The following ITGA1 variants were observed in gnomAD, a reference collection of about 807,000 sequenced individuals.
ITGA1 encodes integrin subunit alpha 1, also known as integrin alpha-1.
Under a neutral mutation model 145.9 loss-of-function variants are expected in ITGA1, and 85 were observed. The ratio of observed to expected loss-of-function variants is 0.58; its 90% confidence interval spans 0.49 to 0.70. The LOEUF (loss-of-function observed/expected upper bound fraction) is 0.70, where lower values mean the gene tolerates loss of function less well. Among genes scored for constraint, ITGA1 ranks in the 30% least tolerant of loss-of-function variants. The pLI is 0.00. For synonymous variants in ITGA1, 520 were observed against 495.3 expected, an observed-to-expected ratio of 1.05 and a Z score of -0.66; for missense variants, 1,351 against 1,418.7, an observed-to-expected ratio of 0.95 and a Z score of 0.77.
At chr5:52,941,501 C>CT (rs1454866603) in intron 26 of ITGA1, among the ~76,000 whole-genome samples, 6 of 151,998 alleles carry the variant, frequency 3.9e-5, no homozygotes, top group African/African-American at 1.5e-4. Flanking sequence ...CTCATTTTGG[C>CT]TTTTATTTGC....
At chr5:52,915,441 C>T (rs1317483835) in intron 14 of ITGA1, 23 bp from the exon 15 acceptor site, 1 of 1,610,228 alleles carries the variant, frequency 6.2e-7, no homozygotes, top group Non-Finnish European at 8.5e-7. Flanking sequence ...TCATATGAAA[C>T]TCTTTTTTTT....
chr5:52,885,064 A>G (rs181778316), intron 7 of ITGA1, among the ~76,000 whole-genome samples: 4 of 152,298 alleles, frequency 2.6e-5, no homozygotes, highest in African/African-American at 7.2e-5. Context: ...TTATTAGTTT[A>G]TTATAAAAGG....
chr5:52,793,129 C>T (rs1229522587), intron 1 of ITGA1, among the ~76,000 whole-genome samples: 22 of 152,014 alleles, frequency 1.4e-4, no homozygotes. Flanking sequence ...CATGTGTATC[C>T]CAGCACCTTT....
intron 1 of ITGA1, among the ~76,000 whole-genome samples, chr5:52,806,487 A>G (rs1748589848): frequency 6.6e-6 from 1 of 152,058 alleles, no homozygotes; most frequent in Non-Finnish European, 1.5e-5. Flanking sequence ...TTAGGTTAAA[A>G]ATACCATTCA....
chr5:52,878,884 G>GA (rs980115816), intron 6 of ITGA1, among the ~76,000 whole-genome samples: 2 of 148,816 alleles, frequency 1.3e-5, no homozygotes, highest in African/African-American at 2.5e-5. Flanking sequence ...TCATTGGAGG[G>GA]AAAAAAAGGT....
intron 1 of ITGA1, among the ~76,000 whole-genome samples, chr5:52,840,376 G>A (rs1235588932): frequency 6.6e-6 from 1 of 152,192 alleles, no homozygotes; most frequent in Non-Finnish European, 1.5e-5. Flanking sequence ...TCAGCGTTCA[G>A]GATGCCAGGG....
chr5:52,816,235 C>G (rs1205060895), intron 1 of ITGA1, among the ~76,000 whole-genome samples: 2 of 152,042 alleles, frequency 1.3e-5, no homozygotes, highest in South Asian at 2.1e-4. Flanking sequence ...TAATATATAT[C>G]CATGCACATC....
At chr5:52,800,432 C>A (rs554934628) in intron 1 of ITGA1, 1 of 1,613,800 alleles carries the variant, frequency 6.2e-7, no homozygotes, top group African/African-American at 1.3e-5. Context: ...AAGGACAATG[C>A]GGGCCAGGTG....
chr5:52,800,941 G>A, intron 1 of ITGA1: 2 of 1,614,206 alleles, frequency 1.2e-6, no homozygotes, highest in Non-Finnish European at 1.7e-6. Flanking sequence ...CCGGGCCTTG[G>A]AGCGGTTCTA....
rs1419190966 is a variant in ITGA1, at chr5:52,945,453, A to G, written c.3378+418A>G. Among the ~76,000 whole-genome samples the G allele has an allele frequency of 2.0e-5, 3 of 152,198 alleles. No individual in the cohort carries two copies. In the East Asian group the frequency reaches 5.8e-4, roughly 29 times the overall value. ...TTATACTGTACAGGAAAACATGTAC[A>G]TTTTTTAAAGTTTTCTTTCAAATTT... On this transcript the variant is annotated intron_variant, in intron 27 of 28. Coordinates refer to ENST00000282588, the MANE Select transcript of ITGA1 (RefSeq NM_181501.2).
chr5:52,910,117 AG>A, intron 13 of ITGA1, 44 bp from the exon 14 acceptor site: 1 of 1,555,416 alleles, frequency 6.4e-7, no homozygotes, highest in Non-Finnish European at 8.8e-7. Context: ...ACTCTGCTGT[AG>A]TAATGATGGA....
intron 1 of ITGA1, among the ~76,000 whole-genome samples, chr5:52,832,769 G>GTGTGTGTGTGTGTGTGTGTC (rs1749091862): frequency 4.1e-5 from 3 of 74,036 alleles, no homozygotes; most frequent in African/African-American, 1.9e-4. Flanking sequence ...ATAAATCTGT[G>GTGTGTGTGTGTGTGTGTGTC]TGTGTGTGTG....
intron 2 of ITGA1, among the ~76,000 whole-genome samples, chr5:52,858,439 A>G (rs1312410471): frequency 6.6e-6 from 1 of 152,254 alleles, no homozygotes; most frequent in East Asian, 1.9e-4. Context: ...GTACATGTAT[A>G]GTTGTGCTTC....
intron 13 of ITGA1, among the ~76,000 whole-genome samples, chr5:52,909,300 T>G (rs1315012840): frequency 1.3e-5 from 2 of 152,056 alleles, no homozygotes; most frequent in Non-Finnish European, 2.9e-5. Flanking sequence ...AATATAAATC[T>G]CACTAAACTG....
At chr5:52,800,620 T>A (rs1054497597) in intron 1 of ITGA1, 2 of 1,613,900 alleles carry the variant, frequency 1.2e-6, no homozygotes, top group Non-Finnish European at 1.7e-6. Context: ...CGACTTCGAC[T>A]CTCAAGCCTG....
chr5:52,788,116 G>C lies in ITGA1; in HGVS notation c.-238G>C, dbSNP rs908703415. ...GTGAGATTTCAGAGACCAAGAGCGCGAAGGGGCGGGCGATGTGGCAATCCG... is the reference window on the plus strand; with the variant it reads ...GTGAGATTTCAGAGACCAAGAGCGCCAAGGGGCGGGCGATGTGGCAATCCG... On this transcript the variant is annotated 5_prime_UTR_variant, in exon 1 of 29. Transcript: ENST00000282588. 4.7e-6 allele frequency: 2 copies of C among 429,174 alleles called. No homozygotes were observed. The highest frequency in any genetic ancestry group is 8.9e-5 in the Admixed American group (2 of 22,366). The allele number at this position is 429,174 out of a possible 1,614,324, so 26.6% of individuals were successfully genotyped here.
At chr5:52,847,706 C>A (rs1199239954) in intron 1 of ITGA1, among the ~76,000 whole-genome samples, 2 of 152,158 alleles carry the variant, frequency 1.3e-5, no homozygotes, top group Non-Finnish European at 2.9e-5. Flanking sequence ...GGGCATGCCA[C>A]CACACCTGGC....
intron 1 of ITGA1, chr5:52,803,803 C>G (rs1241148969): frequency 6.6e-6 from 1 of 152,242 alleles, no homozygotes; most frequent in African/African-American, 2.4e-5. Flanking sequence ...ACAGGCGCTA[C>G]CTGTACCAAC....
chr5:52,853,241 G>A (rs1749455943), intron 2 of ITGA1, among the ~76,000 whole-genome samples: 1 of 152,164 alleles, frequency 6.6e-6, no homozygotes, highest in Non-Finnish European at 1.5e-5. Flanking sequence ...TTTAAGGATA[G>A]CATGGTAGCA....
Sources: allele counts gnomAD v4.1 joint callset (sites outside exome capture counted in the v4.1 genomes callset), GRCh38; gene constraint gnomAD v4.1.1; transcripts MANE v1.5; gene names NCBI Gene and HGNC (gene_info 2026-07-23, HGNC 2026-07-21).